Variants in ABCC2 observed in about 807,000 individuals in gnomAD.
ABCC2 encodes ATP binding cassette subfamily C member 2, also known as ATP-binding cassette sub-family C member 2.
ABCC2 carries 157 observed loss-of-function variants against 173.4 expected under a neutral mutation model. That is an observed-to-expected ratio of 0.91 (90% CI 0.80 to 1.03). The LOEUF (loss-of-function observed/expected upper bound fraction) is 1.03. Among genes scored for constraint, ABCC2 ranks in the 50% least tolerant of loss-of-function variants. ABCC2 has a pLI of 0.00. For missense variants in ABCC2, 1,822 were observed against 1,852.3 expected (o/e 0.98, Z 0.30); for synonymous variants, 657 against 693.5 (o/e 0.95, Z 0.83).
chr10:99,834,611 C>T, intron 24 of ABCC2, 76 bp downstream of exon 24: 1 of 1,524,968 alleles, frequency 6.6e-7, no homozygotes, highest in Non-Finnish European at 9.1e-7. Flanking sequence ...TGAGAATCTT[C>T]TCTCTGATTC....
At position 99,832,103 on chromosome 10, in the gene ABCC2, C is replaced by A. The variant is rs2038751409; in HGVS notation, c.3230C>A (p.Thr1077Lys). The A allele has an allele frequency of 6.2e-7, 1 of 1,614,056 alleles. No homozygotes were observed. Among genetic ancestry groups the A allele is most frequent in the Non-Finnish European group, 8.5e-7 (1 of 1,180,030 alleles). Residue 1077 changes from threonine to lysine, a missense_variant, in exon 23 of 32, where the codon ACA becomes AAA. Coordinates refer to ENST00000647814, the MANE Select transcript of ABCC2 (RefSeq NM_000392.5). ...APMRFFDTTP[T>K]GRIVNRFAGD... is the part of the protein sequence containing the mutation. ...ATGAGATTTTTTGACACAACACCCA[C>A]AGGCCGGATTGTGAACAGGTTTGCC...
rs200685599 is a variant in ABCC2 at position 99,782,805 on chromosome 10, T to C, written c.-40T>C. The C allele has an allele frequency of 3.5e-5, 57 of 1,608,858 alleles. No individual in the cohort carries two copies. The African/African-American group carries it at 7.1e-4, about 20-fold the overall frequency. On this transcript the variant is annotated 5_prime_UTR_variant, in exon 1 of 32. Coordinates refer to ENST00000647814, the MANE Select transcript of ABCC2 (RefSeq NM_000392.5). ...GTAAAGAAGAAACAACACAATCATA[T>C]TAATAGAAGAGTCTTCGTTCCAGAC... is the stretch of plus-strand genomic sequence containing the variant.
intron 10 of ABCC2, 116 bp downstream of exon 10, chr10:99,804,389 T>G: frequency 7.3e-7 from 1 of 1,377,538 alleles, no homozygotes. Context: ...TGGAAGACTT[T>G]CTACCATCTC....
Position 99,845,750 on chromosome 10 carries a change from G to A in ABCC2, c.4114G>A (p.Asp1372Asn), listed in dbSNP as rs774406517. 2 of 1,613,172 alleles carry A rather than the reference G, an allele frequency of 1.2e-6. No homozygotes were observed. The highest frequency in any genetic ancestry group is 1.7e-6 in the Non-Finnish European group (2 of 1,179,806). The change falls in exon 29 of 32, where the codon GAC becomes AAC. Residue 1372 changes from aspartate (D) to asparagine (N), a missense_variant. By Grantham distance (23) the Asp-to-Asn change is conservative. Transcript: ENST00000647814. Reference protein sequence around the residue: ...GVDIASIGLHDLREKLTIIPQ... With the variant: ...GVDIASIGLHNLREKLTIIPQ... Reference sequence around the variant, plus strand: ...AGATATTGCTTCCATTGGGCTCCACGACCTCCGAGAGAAGCTGACCATCAT... The same window carrying A: ...AGATATTGCTTCCATTGGGCTCCACAACCTCCGAGAGAAGCTGACCATCAT...
chr10:99,848,644 G>A (rs2039050247), intron 30 of ABCC2, among the ~76,000 whole-genome samples: 1 of 152,232 alleles, frequency 6.6e-6, no homozygotes, highest in South Asian at 2.1e-4. Context: ...ATTCCCAGGT[G>A]ATTTGTGTGC....
At chr10:99,808,308 C>A in intron 13 of ABCC2, 79 bp downstream of exon 13, 1 of 1,558,434 alleles carries the variant, frequency 6.4e-7, no homozygotes, top group Non-Finnish European at 8.8e-7. Context: ...TATCACATCC[C>A]ATGTCTAACT....
chr10:99,832,194 G>C, intron 23 of ABCC2, 63 bp downstream of exon 23: 1 of 1,588,462 alleles, frequency 6.3e-7, no homozygotes, highest in Non-Finnish European at 8.6e-7. Context: ...TGATAGGGAG[G>C]AATTATTATG....
Position 99,851,897 on chromosome 10 carries a change from A to G in ABCC2, c.*266A>G. On this transcript the variant is annotated 3_prime_UTR_variant, in exon 32 of 32. Coordinates refer to ENST00000647814, the MANE Select transcript of ABCC2 (RefSeq NM_000392.5). ...CACTGTCCTGAATTTCACGATAATTATTCCTTTGCCTTTCATTTCTGTTTT... is the reference window on the plus strand; with the variant it reads ...CACTGTCCTGAATTTCACGATAATTGTTCCTTTGCCTTTCATTTCTGTTTT... 2.8e-6 allele frequency: 1 copy of G among 353,706 alleles called. No homozygotes were observed. Among genetic ancestry groups the G allele is most frequent in the South Asian group, 4.4e-5 (1 of 22,970 alleles). The allele number at this position is 353,706 out of a possible 1,614,324, so 21.9% of individuals were successfully genotyped here.
At chr10:99,804,325 C>T (rs1406620890) in intron 10 of ABCC2, 52 bp downstream of exon 10, 1 of 1,608,876 alleles carries the variant, frequency 6.2e-7, no homozygotes, top group Non-Finnish European at 8.5e-7. Context: ...AGTGTAAACC[C>T]TTTTTCTTAC....
rs1353803486 is a variant in ABCC2 at position 99,852,174 on chromosome 10, A to G, written c.*543A>G. The G allele has an allele frequency of 6.3e-6, 1 of 157,990 alleles. No homozygotes were observed. Among genetic ancestry groups the G allele is most frequent in the Non-Finnish European group, 1.4e-5 (1 of 71,748 alleles). 9.8% of individuals were successfully genotyped at this position (157,990 alleles called of 1,614,324 possible). A position where few individuals can be genotyped will look rare whatever the true frequency, so the allele number is the denominator to read the frequency against. ...CATTATTCTCAGGTTTTTAAAAATTATAAGCAGTACTACTATGGACATTCT... is the reference window on the plus strand; with the variant it reads ...CATTATTCTCAGGTTTTTAAAAATTGTAAGCAGTACTACTATGGACATTCT... On this transcript the variant is annotated 3_prime_UTR_variant, in exon 32 of 32. Coordinates refer to ENST00000647814, the MANE Select transcript of ABCC2 (RefSeq NM_000392.5).
chr10:99,802,783 C>T (rs2038034061), intron 9 of ABCC2, among the ~76,000 whole-genome samples: 1 of 152,006 alleles, frequency 6.6e-6, no homozygotes, highest in African/African-American at 2.4e-5. Flanking sequence ...CCAGATGGTG[C>T]CTTGGTGGCA....
Position 99,835,949 on chromosome 10 carries a change from C to A in ABCC2, c.3415-142C>A, listed in dbSNP as rs574482364. The A allele has an allele frequency of 5.9e-5, 48 of 812,322 alleles. No individual in the cohort carries two copies. The South Asian group carries it at 6.9e-4, about 12-fold the overall frequency. 50.3% of individuals were successfully genotyped at this position (812,322 alleles called of 1,614,324 possible). ...AGCCTCTCATCATTCTGCTCCCAGA[C>A]ATGGCACTGCAGGCTTTTGTCTTGT... is the stretch of plus-strand genomic sequence containing the variant. On this transcript the variant is annotated intron_variant, in intron 24 of 31. Coordinates refer to ENST00000647814, the MANE Select transcript of ABCC2 (RefSeq NM_000392.5).
intron 19 of ABCC2, among the ~76,000 whole-genome samples, chr10:99,829,492 G>C (rs956896087): frequency 6.6e-6 from 1 of 152,150 alleles, no homozygotes; most frequent in Non-Finnish European, 1.5e-5. Flanking sequence ...TGGAGGAGTA[G>C]ATATCTGGAG....
rs2038000204 is a variant in ABCC2, at chr10:99,800,574, T to C, written c.1209+11T>C. 1 of 1,613,938 alleles carries C rather than the reference T, an allele frequency of 6.2e-7. No individual in the cohort carries two copies. The highest frequency in any genetic ancestry group is 8.5e-7 in the Non-Finnish European group (1 of 1,179,992). ...TCTGTATATAAGAAGGTAAGCAGAATACGGCAGGTATCACCAAAGAAAATC... is the reference window on the plus strand; with the variant it reads ...TCTGTATATAAGAAGGTAAGCAGAACACGGCAGGTATCACCAAAGAAAATC... On this transcript the variant is annotated intron_variant, in intron 9 of 31. Coordinates refer to ENST00000647814, the MANE Select transcript of ABCC2 (RefSeq NM_000392.5).
At chr10:99,801,810 T>C (rs1418062859) in intron 9 of ABCC2, among the ~76,000 whole-genome samples, 2 of 149,896 alleles carry the variant, frequency 1.3e-5, no homozygotes, top group Non-Finnish European at 2.9e-5. Context: ...TTTTCTCCTT[T>C]GCTTTCCTCT....
Position 99,842,063 on chromosome 10 carries a change from T to A in ABCC2, c.3711T>A (p.Thr1237=). 1 of 1,614,228 alleles carries A rather than the reference T, an allele frequency of 6.2e-7. No individual in the cohort carries two copies. Among genetic ancestry groups the A allele is most frequent in the Non-Finnish European group, 8.5e-7 (1 of 1,180,026 alleles). Residue 1237 remains threonine, a synonymous_variant, in exon 26 of 32, where the codon ACT becomes ACA. Transcript: ENST00000647814. ...ATAGAGATACCCTAAGTGGGGACACTGTTGGCTTTGTTCTGTCCAATGCAC... is the reference window on the plus strand; with the variant it reads ...ATAGAGATACCCTAAGTGGGGACACAGTTGGCTTTGTTCTGTCCAATGCAC... ...VIYRDTLSGD[T]VGFVLSNALN...
rs2133003453 is a variant in ABCC2, at chr10:99,800,458, C to T, written c.1104C>T (p.Phe368=). 6.2e-7 allele frequency: 1 copy of T among 1,614,192 alleles called. No individual in the cohort carries two copies. ...GATATCTCTGTGCAATCCTCTTATT[C>T]ACTGCGGCTCTCATTCAGTCTTTCT... ...WIGYLCAILL[F]TAALIQSFCL... Residue 368 remains phenylalanine, a synonymous_variant, in exon 9 of 32, where the codon TTC becomes TTT. Transcript: ENST00000647814.
Position 99,792,302 on chromosome 10 carries a change from A to G in ABCC2, c.276A>G (p.Gly92=). The change falls in exon 3 of 32, where the codon GGA becomes GGG. Residue 92 remains glycine (G), a synonymous_variant. Transcript: ENST00000647814. ...ELALVLTEDS[G]QATVPAVRYT... is the part of the protein sequence containing the mutation. ...CCCTTGTACTCACAGAAGACTCTGG[A>G]CAAGCCACAGTCCCTGCTGTTCGAT... 1 of 1,614,114 alleles carries G rather than the reference A, an allele frequency of 6.2e-7. No homozygotes were observed. Among genetic ancestry groups the G allele is most frequent in the Non-Finnish European group, 8.5e-7 (1 of 1,179,982 alleles).
rs1169428928 is a variant in ABCC2 at position 99,805,419 on chromosome 10, T to C, written c.1502T>C (p.Ile501Thr). The part of the protein sequence containing the change: ...NMKNKDKRLK[I>T]MNEILSGIKI... ...AAGAATAAAGACAAACGTTTAAAGA[T>C]CATGAATGAGATTCTTAGTGGAATC... The change falls in exon 11 of 32, where the codon ATC (isoleucine) becomes ACC (threonine). Residue 501 changes from isoleucine to threonine, a missense_variant. Transcript: ENST00000647814. 3 of 1,613,832 alleles carry C rather than the reference T, an allele frequency of 1.9e-6. No individual in the cohort carries two copies. The highest frequency in any genetic ancestry group is 2.7e-5 in the African/African-American group (2 of 74,876).
Sources: allele counts gnomAD v4.1 joint callset (sites outside exome capture counted in the v4.1 genomes callset), GRCh38; gene constraint gnomAD v4.1.1; transcripts MANE v1.5; gene names NCBI Gene and HGNC (gene_info 2026-07-23, HGNC 2026-07-21).